The following PRKAG2 variants were observed in gnomAD, a reference collection of about 807,000 sequenced individuals.
PRKAG2 encodes the protein 5'-AMP-activated protein kinase subunit gamma-2.
A neutral mutation model predicts 69.6 loss-of-function variants in PRKAG2; 26 were observed. The observed-to-expected ratio is 0.37, with a 90% confidence interval of 0.27 to 0.52. The LOEUF is 0.52. PRKAG2 is among the 20% of genes least tolerant of loss of function. The pLI is 0.90. For missense variants in PRKAG2, 557 were observed against 740.0 expected (o/e 0.75, Z 2.87); for synonymous variants, 293 against 285.0 (o/e 1.03, Z -0.28).
chr7:151,842,556 TGGTAGTGATGGTA>T (rs2079331091), intron 1 of PRKAG2, among the ~76,000 whole-genome samples: 1 of 148,092 alleles, frequency 6.8e-6, no homozygotes, highest in Non-Finnish European at 1.5e-5. Flanking sequence ...TAGGTAGTGA[TGGTAGTGATGGTA>T]GGTAGTGATG....
intron 6 of PRKAG2, among the ~76,000 whole-genome samples, chr7:151,579,228 C>T (rs1809768940): frequency 6.6e-6 from 1 of 152,102 alleles, no homozygotes; most frequent in African/African-American, 2.4e-5. Context: ...TGCTATGTTG[C>T]CCAGACTGGT....
At chr7:151,755,164 G>T (rs1241210367) in intron 3 of PRKAG2, among the ~76,000 whole-genome samples, 1 of 152,176 alleles carries the variant, frequency 6.6e-6, no homozygotes, top group African/African-American at 2.4e-5. Context: ...TCTGGGAGGG[G>T]CTGAAGGCTG....
intron 5 of PRKAG2, among the ~76,000 whole-genome samples, chr7:151,612,297 C>T (rs1013697173): frequency 6.6e-6 from 1 of 152,200 alleles, no homozygotes; most frequent in Non-Finnish European, 1.5e-5. Context: ...ACAGTCCCTT[C>T]TTGCAGGGTG....
In PRKAG2 at chr7:151,777,480, C is replaced by T. The variant is rs867574975; in HGVS notation, c.466+3672G>A. On this transcript the variant is annotated intron_variant, in intron 3 of 15. Transcript: ENST00000287878. This position sits in a 1 kb window ranked among gnomAD's most constrained non-coding sequence, Gnocchi z 4.3. ...GGGTTGCCTCCCTGCGGCAGTGAGT[C>T]CTGCTCTCTTAGCTGGGTGCTTTAA... Among the ~76,000 whole-genome samples the T allele has an allele frequency of 1.3e-5, 2 of 152,134 alleles. No homozygotes were observed. The highest frequency in any genetic ancestry group is 4.8e-5 in the African/African-American group (2 of 41,434).
At chr7:151,593,492 CCTA>C (rs1813730005) in intron 6 of PRKAG2, among the ~76,000 whole-genome samples, 3 of 152,158 alleles carry the variant, frequency 2.0e-5, no homozygotes, top group Admixed American at 2.0e-4. Flanking sequence ...CTGTGCCCGG[CCTA>C]CTGTCGCTTA....
rs779098740 is a variant in PRKAG2, at chr7:151,565,753, G to A, written c.1366C>T (p.Arg456Ter). The A allele has an allele frequency of 1.2e-6, 2 of 1,613,742 alleles. No individual in the cohort carries two copies. Residue 456 changes from arginine to a stop codon, truncating the protein, a stop_gained, in exon 12 of 16, where the codon CGA becomes TGA. Transcript: ENST00000287878. LOFTEE classifies it high-confidence loss of function. The part of the protein sequence containing the change: ...IKALNIFVER[R>*]ISALPVVDES... ...TCCACAACAGGCAGAGCTGATATTCGTCTTTCCACAAATATGTTCAAGGCT... is the reference window on the plus strand; with the variant it reads ...TCCACAACAGGCAGAGCTGATATTCATCTTTCCACAAATATGTTCAAGGCT...
intron 3 of PRKAG2, among the ~76,000 whole-genome samples, chr7:151,715,347 AATT>A (rs750693914): frequency 2.2e-5 from 3 of 136,648 alleles, no homozygotes; most frequent in Non-Finnish European, 3.1e-5. Context: ...AAAAAAAAAA[AATT>A]ATTATTATTT....
In PRKAG2 at chr7:151,557,114, A is replaced by T. The variant is rs1803911123; in HGVS notation, c.*87T>A. ...TGTTAAACCCTGATATACATTCTTA[A>T]CCACTTGCAGCCAGTGTTCATGAGG... is the stretch of plus-strand genomic sequence containing the variant. On this transcript the variant is annotated 3_prime_UTR_variant, in exon 16 of 16. Transcript: ENST00000287878. The T allele has an allele frequency of 6.3e-7, 1 of 1,590,022 alleles. No homozygotes were observed. The highest frequency in any genetic ancestry group is 8.6e-7 in the Non-Finnish European group (1 of 1,158,320).
intron 6 of PRKAG2, among the ~76,000 whole-genome samples, chr7:151,582,798 C>T (rs1810804515): frequency 6.6e-6 from 1 of 152,212 alleles, no homozygotes; most frequent in Admixed American, 6.5e-5. Flanking sequence ...CTCCTTGGCC[C>T]GTGCCAGCTG....
intron 3 of PRKAG2, among the ~76,000 whole-genome samples, chr7:151,709,915 T>C (rs1343458703): frequency 6.6e-6 from 1 of 152,012 alleles, no homozygotes; most frequent in East Asian, 1.9e-4. Context: ...ACATGTGATA[T>C]TGTGACACTG....
chr7:151,591,307 G>A (rs6967274), intron 6 of PRKAG2, among the ~76,000 whole-genome samples: 28,928 of 152,108 alleles, frequency 0.19, 3,318 homozygotes, highest in African/African-American at 0.32. Context: ...TCAAGGCTGC[G>A]GCACCCCCGC....
At chr7:151,606,745 G>A (rs184366295) in intron 5 of PRKAG2, among the ~76,000 whole-genome samples, 11 of 152,162 alleles carry the variant, frequency 7.2e-5, no homozygotes, top group Admixed American at 6.5e-5. Flanking sequence ...GCTGGAACCC[G>A]GGAGGTGGAG....
At position 151,702,016 on chromosome 7, in the gene PRKAG2, C is replaced by T. The variant is rs1027767977; in HGVS notation, c.467-26379G>A. Among the ~76,000 whole-genome samples, 12 of 152,190 alleles carry T rather than the reference C, an allele frequency of 7.9e-5. 1 individual carries two copies. Among genetic ancestry groups the T allele is most frequent in the East Asian group, 5.8e-4 (3 of 5,168 alleles). On this transcript the variant is annotated intron_variant, in intron 3 of 15. Transcript: ENST00000287878. ...TCAGTTTCTGCTGTTTGAAGCCACCCGGTGTGTGGTGCTCTGTTGTGTATG... is the reference window on the plus strand; with the variant it reads ...TCAGTTTCTGCTGTTTGAAGCCACCTGGTGTGTGGTGCTCTGTTGTGTATG...
At chr7:151,783,641 C>A (rs1262289364) in intron 2 of PRKAG2, among the ~76,000 whole-genome samples, 2 of 152,048 alleles carry the variant, frequency 1.3e-5, no homozygotes, top group Non-Finnish European at 2.9e-5. Context: ...AGTCTTCAGG[C>A]AGGGGGTGGT....
intron 1 of PRKAG2, among the ~76,000 whole-genome samples, chr7:151,820,949 C>CG (rs150355647): frequency 1.2e-3 from 3 of 2,520 alleles, no homozygotes; most frequent in Non-Finnish European, 5.7e-3. Context: ...ATTCTTAGGA[C>CG]CCCCCCCAGC....
chr7:151,643,048 C>T (rs980242677), intron 4 of PRKAG2, among the ~76,000 whole-genome samples: 2 of 152,170 alleles, frequency 1.3e-5, no homozygotes, highest in Non-Finnish European at 2.9e-5. Context: ...TGCCTTGCTA[C>T]CCTTCAAATT....
At chr7:151,598,703 A>C (rs926879229) in intron 5 of PRKAG2, among the ~76,000 whole-genome samples, 5 of 152,242 alleles carry the variant, frequency 3.3e-5, no homozygotes, top group Non-Finnish European at 7.3e-5. Context: ...AAAAATTTTA[A>C]AGGTACTATT....
chr7:151,670,583 T>C (rs968736257), intron 4 of PRKAG2, among the ~76,000 whole-genome samples: 1 of 152,174 alleles, frequency 6.6e-6, no homozygotes, highest in Non-Finnish European at 1.5e-5. Flanking sequence ...CTCATCAAGA[T>C]AGGATGGGGT....
rs918879557 is a variant in PRKAG2, at chr7:151,777,089, G to A, written c.466+4063C>T. On this transcript the variant is annotated intron_variant, in intron 3 of 15. Transcript: ENST00000287878. This position sits in a 1 kb window ranked among gnomAD's most constrained non-coding sequence, Gnocchi z 4.3. ...TCTCTGACTCCACCTGCCTGTCTCGGCCCCTGGCTTTAAGGAAAGGGTGGA... is the reference window on the plus strand; with the variant it reads ...TCTCTGACTCCACCTGCCTGTCTCGACCCCTGGCTTTAAGGAAAGGGTGGA... Among the ~76,000 whole-genome samples, 2 of 152,180 alleles carry A rather than the reference G, an allele frequency of 1.3e-5. No individual in the cohort carries two copies. Among genetic ancestry groups the A allele is most frequent in the African/African-American group, 4.8e-5 (2 of 41,456 alleles).
Sources: allele counts gnomAD v4.1 joint callset (sites outside exome capture counted in the v4.1 genomes callset), GRCh38; gene constraint gnomAD v4.1.1; non-coding constraint Gnocchi (gnomAD v3.1); transcripts MANE v1.5; gene names NCBI Gene and HGNC (gene_info 2026-07-23, HGNC 2026-07-21).